The following PXDNL variants were observed in gnomAD, a reference collection of about 807,000 sequenced individuals.
PXDNL encodes the protein probable oxidoreductase PXDNL.
PXDNL carries 145 observed loss-of-function variants against 150.8 expected under a neutral mutation model. That is an observed-to-expected ratio of 0.96 (90% CI 0.84 to 1.10). PXDNL has a LOEUF of 1.10. PXDNL is among the 50% of genes least tolerant of loss of function. The probability of loss-of-function intolerance (pLI) is 0.00; values close to 1 mark genes in which losing one functional copy is unlikely to be tolerated. For synonymous variants in PXDNL, 757 were observed against 725.7 expected, an observed-to-expected ratio of 1.04 and a Z score of -0.69; for missense variants, 2,087 against 1,873.9, an observed-to-expected ratio of 1.11 and a Z score of -2.10.
rs1398699164 is a variant in PXDNL, at chr8:51,671,548, AT to A, written c.165-16789del. 2.0e-5 allele frequency among the ~76,000 whole-genome samples: 3 copies of A among 152,356 alleles called. No homozygotes were observed. The East Asian group carries it at 5.8e-4, about 29-fold the overall frequency. On this transcript the variant is annotated intron_variant, in intron 1 of 22. Transcript: ENST00000356297. ...TTCTACCACCACCATCATTTTTCAA[AT>A]AACCTACTAATTTTATTTTCAGAGT...
chr8:51,326,184 G>C (rs1005453018), intron 21 of PXDNL, among the ~76,000 whole-genome samples: 1 of 152,140 alleles, frequency 6.6e-6, no homozygotes, highest in Non-Finnish European at 1.5e-5. Flanking sequence ...GATATCCAGG[G>C]GTTGTAGCTG....
At chr8:51,691,166 T>C (rs1242307604) in intron 1 of PXDNL, among the ~76,000 whole-genome samples, 1 of 152,164 alleles carries the variant, frequency 6.6e-6, no homozygotes, top group South Asian at 2.1e-4. Flanking sequence ...AGAAGCTCTT[T>C]AGTTTAATTA....
At chr8:51,736,082 A>C (rs1188606990) in intron 1 of PXDNL, among the ~76,000 whole-genome samples, 2 of 152,204 alleles carry the variant, frequency 1.3e-5, no homozygotes, top group Admixed American at 1.3e-4. Context: ...GACATTTAGA[A>C]GATAACATCA....
chr8:51,743,173 C>G (rs1036328899), intron 1 of PXDNL, among the ~76,000 whole-genome samples: 1 of 152,104 alleles, frequency 6.6e-6, no homozygotes, highest in Non-Finnish European at 1.5e-5. Context: ...ACGTGAGAGC[C>G]AAGATGGAAT....
intron 2 of PXDNL, among the ~76,000 whole-genome samples, chr8:51,650,855 A>G (rs1467669146): frequency 6.6e-6 from 1 of 152,210 alleles, no homozygotes; most frequent in Non-Finnish European, 1.5e-5. Flanking sequence ...AGTTCATCAT[A>G]TGCCACTATC....
At chr8:51,397,126 G>A (rs1353093481) in intron 17 of PXDNL, among the ~76,000 whole-genome samples, 1 of 152,172 alleles carries the variant, frequency 6.6e-6, no homozygotes, top group East Asian at 1.9e-4. Context: ...ACACATTTTA[G>A]TTTACTGCTG....
At position 51,771,640 on chromosome 8, in the gene PXDNL, A is replaced by G. The variant is rs544703564; in HGVS notation, c.164+37541T>C. On this transcript the variant is annotated intron_variant, in intron 1 of 22. Coordinates refer to ENST00000356297, the MANE Select transcript of PXDNL (RefSeq NM_144651.5). ...GAATAGAGACAGAGACAGAGAGAAA[A>G]AGAAAAAGAAAGACAGAAGCAGGGA... Among the ~76,000 whole-genome samples the G allele has an allele frequency of 4.6e-5, 7 of 152,276 alleles. No individual in the cohort carries two copies. In the South Asian group the frequency reaches 8.3e-4, roughly 18 times the overall value.
intron 2 of PXDNL, among the ~76,000 whole-genome samples, chr8:51,638,522 G>C (rs918155205): frequency 4.6e-5 from 7 of 151,650 alleles, no homozygotes; most frequent in Admixed American, 3.9e-4. Context: ...CAAGCAAATA[G>C]AAAACGAAAA....
chr8:51,478,217 A>C (rs1184935721), intron 6 of PXDNL, among the ~76,000 whole-genome samples: 1 of 152,180 alleles, frequency 6.6e-6, no homozygotes, highest in Non-Finnish European at 1.5e-5. Context: ...ACTATACTAA[A>C]TATTGAATAC....
At chr8:51,388,081 T>C (rs1254715350) in intron 17 of PXDNL, among the ~76,000 whole-genome samples, 1 of 152,176 alleles carries the variant, frequency 6.6e-6, no homozygotes, top group Non-Finnish European at 1.5e-5. Flanking sequence ...TTTTTATATA[T>C]TCCATAATAC....
chr8:51,755,579 G>T (rs561527392), intron 1 of PXDNL, among the ~76,000 whole-genome samples: 8 of 152,246 alleles, frequency 5.3e-5, no homozygotes, highest in African/African-American at 1.9e-4. Flanking sequence ...GGCATTAGCC[G>T]CCATGCTCGG....
At chr8:51,335,653 T>A (rs893653950) in intron 21 of PXDNL, among the ~76,000 whole-genome samples, 4 of 151,130 alleles carry the variant, frequency 2.6e-5, no homozygotes, top group Admixed American at 2.0e-4. Context: ...TAAATTCTTA[T>A]ATCTCATCTC....
chr8:51,498,033 A>C (rs1811096436), intron 5 of PXDNL, among the ~76,000 whole-genome samples: 1 of 152,086 alleles, frequency 6.6e-6, no homozygotes, highest in Non-Finnish European at 1.5e-5. Flanking sequence ...AACCAACCCA[A>C]ATGTCCAACA....
chr8:51,745,887 A>G (rs776325287), intron 1 of PXDNL, among the ~76,000 whole-genome samples: 16 of 151,806 alleles, frequency 1.1e-4, no homozygotes, highest in South Asian at 1.0e-3. Context: ...CTCCTGCCTC[A>G]GCCTCCCGAG....
chr8:51,622,991 A>G (rs1814287191), intron 2 of PXDNL, among the ~76,000 whole-genome samples: 1 of 152,256 alleles, frequency 6.6e-6, no homozygotes, highest in East Asian at 1.9e-4. Flanking sequence ...TTCCCTTTAT[A>G]GGTAGCTGTT....
At chr8:51,570,751 G>A (rs1017547421) in intron 3 of PXDNL, among the ~76,000 whole-genome samples, 2 of 151,790 alleles carry the variant, frequency 1.3e-5, no homozygotes, top group African/African-American at 4.8e-5. Flanking sequence ...CAGCATTCAA[G>A]CTAGAATTCA....
intron 3 of PXDNL, among the ~76,000 whole-genome samples, chr8:51,588,774 A>G (rs1171608285): frequency 6.6e-6 from 1 of 152,192 alleles, no homozygotes; most frequent in Admixed American, 6.5e-5. Context: ...ACTACAGAGC[A>G]GGATTGAGAT....
intron 1 of PXDNL, among the ~76,000 whole-genome samples, chr8:51,796,551 T>G (rs142497041): frequency 6.6e-6 from 1 of 152,190 alleles, no homozygotes; most frequent in African/African-American, 2.4e-5. Flanking sequence ...AACACCTCTA[T>G]GCAAATAAAC....
In PXDNL at chr8:51,627,538, G is replaced by A. The variant is rs1814389668; in HGVS notation, c.236+27151C>T. On this transcript the variant is annotated intron_variant, in intron 2 of 22. Coordinates refer to ENST00000356297, the MANE Select transcript of PXDNL (RefSeq NM_144651.5). ...AATGTCAGAATAAAAAAAATACCATGAGACGAGGTGAGGTCAGCAAACATA... is the reference window on the plus strand; with the variant it reads ...AATGTCAGAATAAAAAAAATACCATAAGACGAGGTGAGGTCAGCAAACATA... Among the ~76,000 whole-genome samples, 6 of 152,224 alleles carry A rather than the reference G, an allele frequency of 3.9e-5. No individual in the cohort carries two copies. The South Asian group carries it at 1.2e-3, about 32-fold the overall frequency.
Sources: gnomAD v4.1 joint callset for allele counts (sites outside exome capture counted in the v4.1 genomes callset) on GRCh38, gnomAD v4.1.1 for gene constraint, MANE v1.5 for transcripts, NCBI Gene and HGNC (gene_info 2026-07-23, HGNC 2026-07-21) for gene names.